Variants in DZIP3 observed in about 807,000 individuals in gnomAD.
The protein encoded by DZIP3 is E3 ubiquitin-protein ligase DZIP3.
DZIP3 carries 118 observed loss-of-function variants against 162.0 expected under a neutral mutation model. That is an observed-to-expected ratio of 0.73 (90% CI 0.63 to 0.85). DZIP3 has a LOEUF of 0.85. Among genes scored for constraint, DZIP3 ranks in the 40% least tolerant of loss-of-function variants. DZIP3 has a pLI of 0.00. For synonymous variants in DZIP3, 438 were observed against 458.6 expected (o/e 0.96, Z 0.57); for missense variants, 1,331 against 1,407.0 (o/e 0.95, Z 0.86).
intron 21 of DZIP3, among the ~76,000 whole-genome samples, chr3:108,664,376 A>G (rs1333325663): frequency 6.6e-6 from 1 of 152,214 alleles, no homozygotes; most frequent in East Asian, 1.9e-4. Flanking sequence ...AACATAAGTA[A>G]GTAGCAGCAA....
chr3:108,636,779 A>G, intron 11 of DZIP3, 71 bp downstream of exon 11: 1 of 1,094,512 alleles, frequency 9.1e-7, no homozygotes, highest in Middle Eastern at 2.1e-4. Context: ...TTGACTTGAA[A>G]CAGACCTGGG....
At chr3:108,638,142 T>C (rs573247472) in intron 12 of DZIP3, among the ~76,000 whole-genome samples, 1 of 152,214 alleles carries the variant, frequency 6.6e-6, no homozygotes, top group African/African-American at 2.4e-5. Context: ...AATCTTTATA[T>C]CTAGCACAAA....
intron 5 of DZIP3, among the ~76,000 whole-genome samples, chr3:108,620,304 TC>T (rs1177002804): frequency 6.6e-6 from 1 of 152,130 alleles, no homozygotes; most frequent in Non-Finnish European, 1.5e-5. Context: ...ATTCCACACT[TC>T]CAGAAGAAAA....
chr3:108,659,514 A>G (rs940875413), intron 19 of DZIP3, among the ~76,000 whole-genome samples: 21 of 152,174 alleles, frequency 1.4e-4, no homozygotes, highest in Admixed American at 1.4e-3. Context: ...ATCTATGACA[A>G]ACCCACAGCC....
intron 26 of DZIP3, among the ~76,000 whole-genome samples, chr3:108,680,939 A>G (rs935077758): frequency 2.0e-5 from 3 of 152,196 alleles, no homozygotes; most frequent in African/African-American, 4.8e-5. Flanking sequence ...CACCTTATAC[A>G]AAAATCAACT....
intron 5 of DZIP3, among the ~76,000 whole-genome samples, chr3:108,620,049 A>T (rs1941243646): frequency 6.6e-6 from 1 of 152,300 alleles, no homozygotes; most frequent in South Asian, 2.1e-4. Context: ...TGGTGATGTG[A>T]TAAGGATACA....
At chr3:108,659,333 T>A (rs1446294335) in intron 19 of DZIP3, among the ~76,000 whole-genome samples, 1 of 152,138 alleles carries the variant, frequency 6.6e-6, no homozygotes, top group African/African-American at 2.4e-5. Flanking sequence ...CAAGGCTGGT[T>A]CAACATACGC....
At chr3:108,681,751 TA>T (rs1320781294) in intron 26 of DZIP3, among the ~76,000 whole-genome samples, 1 of 143,920 alleles carries the variant, frequency 6.9e-6, no homozygotes, top group Non-Finnish European at 1.5e-5. Context: ...TCTGCCGCCA[TA>T]AAAAAGGATG....
chr3:108,653,994 T>C (rs979978750), intron 18 of DZIP3, 151 bp from the exon 19 acceptor site: 9 of 697,240 alleles, frequency 1.3e-5, no homozygotes, highest in Non-Finnish European at 1.9e-5. Context: ...AAAGACTCAG[T>C]ATGAGCACTA....
chr3:108,631,055 A>ACACACACACACACTCT, intron 8 of DZIP3, among the ~76,000 whole-genome samples: 26 of 18,006 alleles, frequency 1.4e-3, no homozygotes, highest in East Asian at 2.5e-3. Flanking sequence ...ACACACACAC[A>ACACACACACACACTCT]CTCTCTCTCT....
Position 108,647,938 on chromosome 3 carries a change from T to C in DZIP3, c.1793-5T>C, listed in dbSNP as rs1451122583. On this transcript the variant is annotated splice_region_variant and splice_polypyrimidine_tract_variant and intron_variant, in intron 15 of 32. Coordinates refer to ENST00000361582, the MANE Select transcript of DZIP3 (RefSeq NM_014648.4). ...GATTTTGAGAATTTTGTCTTTTATG[T>C]TTAGGTATTGAAATAGAAGAGTTAC... The C allele has an allele frequency of 6.6e-7, 1 of 1,521,068 alleles. No homozygotes were observed. Among genetic ancestry groups the C allele is most frequent in the Non-Finnish European group, 8.8e-7 (1 of 1,139,756 alleles). 94.2% of individuals were successfully genotyped at this position (1,521,068 alleles called of 1,614,324 possible). A position where few individuals can be genotyped will look rare whatever the true frequency, so the allele number is the denominator to read the frequency against.
In DZIP3 at chr3:108,629,183, A is replaced by C. The variant is rs1941718980; in HGVS notation, c.696+7A>C. The C allele has an allele frequency of 6.6e-7, 1 of 1,517,716 alleles. No homozygotes were observed. The highest frequency in any genetic ancestry group is 1.4e-5 in the African/African-American group (1 of 71,072). The allele number at this position is 1,517,716 out of a possible 1,614,324, so 94.0% of individuals were successfully genotyped here. A position where few individuals can be genotyped will look rare whatever the true frequency, so the allele number is the denominator to read the frequency against. On this transcript the variant is annotated splice_region_variant and intron_variant, in intron 8 of 32. Transcript: ENST00000361582. ...TTTACCTACAACTTTTAAAGTAAGA[A>C]ATTATTTAAGAGTAACATTTTATTT...
intron 5 of DZIP3, among the ~76,000 whole-genome samples, chr3:108,622,880 C>CTCTCTCTCTCTGTGTGTGTG (rs796232998): frequency 1.7e-4 from 9 of 53,094 alleles, no homozygotes; most frequent in Non-Finnish European, 2.5e-4. Context: ...CTCTCTCTCT[C>CTCTCTCTCTCTGTGTGTGTG]TGTGTGTGTG....
intron 18 of DZIP3, among the ~76,000 whole-genome samples, chr3:108,652,786 G>A (rs550996802): frequency 3.3e-5 from 5 of 151,872 alleles, no homozygotes; most frequent in Admixed American, 6.6e-5. Flanking sequence ...GTTTAGGTAC[G>A]TTTAAATACA....
chr3:108,667,642 T>A (rs1218724191), intron 21 of DZIP3, among the ~76,000 whole-genome samples: 1 of 152,074 alleles, frequency 6.6e-6, no homozygotes, highest in Non-Finnish European at 1.5e-5. Context: ...TGGGGAGAAA[T>A]TGGGGAAAGG....
chr3:108,652,998 T>C lies in DZIP3; in HGVS notation c.2034-1147T>C, dbSNP rs188268418. Among the ~76,000 whole-genome samples, 193 of 152,070 alleles carry C rather than the reference T, an allele frequency of 1.3e-3. 7 individuals carry two copies. The highest frequency in any genetic ancestry group is 1.4e-3 in the Non-Finnish European group (97 of 67,820). On this transcript the variant is annotated intron_variant, in intron 18 of 32. Coordinates refer to ENST00000361582, the MANE Select transcript of DZIP3 (RefSeq NM_014648.4). ...TTGTTAAGCAATGCCTGAGTGTACT[T>C]TAAAAAATTTAGGAATAATCTTGGT...
intron 15 of DZIP3, among the ~76,000 whole-genome samples, chr3:108,646,935 A>G (rs1265386443): frequency 6.6e-6 from 1 of 152,068 alleles, no homozygotes; most frequent in African/African-American, 2.4e-5. Flanking sequence ...CAGCTACTCA[A>G]GAGGCTGAGG....
At chr3:108,625,720 A>G in intron 6 of DZIP3, 125 bp from the exon 7 acceptor site, 1 of 920,100 alleles carries the variant, frequency 1.1e-6, no homozygotes, top group Non-Finnish European at 1.5e-6. Flanking sequence ...ATGTGAATAA[A>G]TGACCAGATG....
chr3:108,597,713 G>A lies in DZIP3; in HGVS notation c.-72-7622G>A, dbSNP rs559734943. ...CCAGAGTACAGTATGCACACCTCAG[G>A]GGATATGTGAAACTGTCCATTGAGG... On this transcript the variant is annotated intron_variant, in intron 1 of 32. Coordinates refer to ENST00000361582, the MANE Select transcript of DZIP3 (RefSeq NM_014648.4). Among the ~76,000 whole-genome samples, 8 of 152,158 alleles carry A rather than the reference G, an allele frequency of 5.3e-5. 1 individual carries two copies. The South Asian group carries it at 1.7e-3, about 32-fold the overall frequency.
Sources: gnomAD v4.1 joint callset for allele counts (sites outside exome capture counted in the v4.1 genomes callset) on GRCh38, gnomAD v4.1.1 for gene constraint, MANE v1.5 for transcripts, NCBI Gene and HGNC (gene_info 2026-07-23, HGNC 2026-07-21) for gene names.